The following ERLIN2 variants were observed in gnomAD, a reference collection of about 807,000 sequenced individuals.
ERLIN2 encodes erlin-2.
In ERLIN2, 22 loss-of-function variants were observed where a neutral mutation model predicts 41.5. The observed-to-expected ratio is 0.53, with a 90% CI of 0.38 to 0.76. The LOEUF is 0.76. Ranked by LOEUF, ERLIN2 falls within the 30% of genes least tolerant of loss-of-function variation. The pLI, the probability that ERLIN2 is intolerant of heterozygous loss-of-function variation, is 0.00. For synonymous variants in ERLIN2, 149 were observed against 150.9 expected, an observed-to-expected ratio of 0.99 and a Z score of 0.09; for missense variants, 247 against 414.3, an observed-to-expected ratio of 0.60 and a Z score of 3.51.
chr8:37,751,845 T>C, intron 10 of ERLIN2, 130 bp downstream of exon 10: 1 of 750,544 alleles, frequency 1.3e-6, no homozygotes, highest in Admixed American at 2.0e-5. Flanking sequence ...ACAGCAGCTT[T>C]TCTCCATGTG....
chr8:37,744,224 C>G, intron 4 of ERLIN2, 131 bp from the exon 5 acceptor site: 3 of 827,966 alleles, frequency 3.6e-6, no homozygotes, highest in Non-Finnish European at 2.2e-6. Context: ...GAGATCCAAG[C>G]TGCCTTCCAA....
intron 10 of ERLIN2, 146 bp from the exon 11 acceptor site, chr8:37,753,304 G>A: frequency 2.8e-6 from 2 of 709,042 alleles, no homozygotes; most frequent in Non-Finnish European, 5.1e-6. Flanking sequence ...AAAACACAGA[G>A]GAAAAAGCAG....
chr8:37,743,030 A>G (rs890101200), intron 4 of ERLIN2, among the ~76,000 whole-genome samples: 1 of 152,218 alleles, frequency 6.6e-6, no homozygotes, highest in African/African-American at 2.4e-5. Flanking sequence ...AAACTGGGAT[A>G]GAGTGACAAA....
chr8:37,750,549 C>G, intron 9 of ERLIN2, 63 bp downstream of exon 9: 1 of 1,409,248 alleles, frequency 7.1e-7, no homozygotes, highest in Non-Finnish European at 1.0e-6. Context: ...TGGGAAGATG[C>G]AAGGAGGCTA....
chr8:37,738,254 A>C (rs1198634270), intron 2 of ERLIN2, among the ~76,000 whole-genome samples: 1 of 152,242 alleles, frequency 6.6e-6, no homozygotes, highest in Non-Finnish European at 1.5e-5. Flanking sequence ...AGATGATGCC[A>C]TGGGTGGTGA....
In ERLIN2 at chr8:37,741,882, T is replaced by C. The variant is rs1461704658; in HGVS notation, c.236+64T>C. The C allele has an allele frequency of 7.6e-7, 1 of 1,323,400 alleles. No homozygotes were observed. The highest frequency in any genetic ancestry group is 1.1e-6 in the Non-Finnish European group (1 of 915,364). 82.0% of individuals were successfully genotyped at this position (1,323,400 alleles called of 1,614,324 possible). A position where few individuals can be genotyped will look rare whatever the true frequency, so the allele number is the denominator to read the frequency against. ...TCAGAGAAAAGGCTGTCTGGCTGGT[T>C]GCAGGAAGAGACAGTGAAAAGGGAG... On this transcript the variant is annotated intron_variant, in intron 4 of 11. Transcript: ENST00000519638. This position sits in a 1 kb window ranked among gnomAD's most constrained non-coding sequence, Gnocchi z 4.8.
At chr8:37,750,021 G>A (rs552016170) in intron 8 of ERLIN2, 169 bp downstream of exon 8, 20 of 709,002 alleles carry the variant, frequency 2.8e-5, no homozygotes, top group African/African-American at 2.4e-4. Flanking sequence ...GGCCACCACT[G>A]GGGCTCCCTA....
At chr8:37,745,506 C>T (rs1803011352) in intron 6 of ERLIN2, 2 of 1,532,526 alleles carry the variant, frequency 1.3e-6, no homozygotes, top group African/African-American at 1.4e-5. Context: ...CAGAAATTCT[C>T]TAATAGCCAA....
intron 8 of ERLIN2, 93 bp downstream of exon 8, chr8:37,749,945 CG>C (rs1431183531): frequency 1.8e-5 from 20 of 1,106,280 alleles, no homozygotes; most frequent in Middle Eastern, 2.3e-4. Flanking sequence ...CCAGGCTTCT[CG>C]GTTATCCCCT....
chr8:37,749,779 T>C lies in ERLIN2; in HGVS notation c.499-15T>C, dbSNP rs751064320. On this transcript the variant is annotated splice_polypyrimidine_tract_variant and intron_variant, in intron 7 of 11. Coordinates refer to ENST00000519638, the MANE Select transcript of ERLIN2 (RefSeq NM_007175.8). ...CCTCACTTTCCCATCAGCTGCTGTT[T>C]TAATCTCTCTCCAGGCTGTGCGGGT... The C allele has an allele frequency of 3.3e-5, 54 of 1,613,768 alleles. No individual in the cohort carries two copies. The highest frequency in any genetic ancestry group is 4.4e-5 in the Non-Finnish European group (52 of 1,179,796).
chr8:37,748,004 T>G, intron 6 of ERLIN2: 1 of 1,613,758 alleles, frequency 6.2e-7, no homozygotes. Flanking sequence ...ACTTTCGGCA[T>G]GGTTTCCAGG....
chr8:37,739,017 G>T (rs557372996), intron 2 of ERLIN2, among the ~76,000 whole-genome samples: 17 of 150,274 alleles, frequency 1.1e-4, no homozygotes, highest in South Asian at 1.1e-3. Context: ...TATTTTATTG[G>T]TTTTTTTTTT....
chr8:37,746,480 CATAAA>C (rs1803054676), intron 6 of ERLIN2: 1 of 981,470 alleles, frequency 1.0e-6, no homozygotes, highest in African/African-American at 1.8e-5. Flanking sequence ...AGCAGTGTGA[CATAAA>C]ATAATACCTA....
chr8:37,744,820 A>G (rs759379857), intron 6 of ERLIN2, 124 bp downstream of exon 6: 1 of 1,071,518 alleles, frequency 9.3e-7, no homozygotes, highest in African/African-American at 1.5e-5. Context: ...GAAATGTTAA[A>G]GAATCTTGTG....
chr8:37,745,234 T>C (rs1318063366), intron 6 of ERLIN2: 1 of 448,334 alleles, frequency 2.2e-6, no homozygotes, highest in African/African-American at 2.0e-5. Flanking sequence ...ACATGATTCA[T>C]AGTTAATTCT....
chr8:37,745,592 G>C, intron 6 of ERLIN2: 1 of 1,614,032 alleles, frequency 6.2e-7, no homozygotes, highest in Non-Finnish European at 8.5e-7. Flanking sequence ...TTTTTCCCAG[G>C]AATCTTCATA....
chr8:37,744,434 A>T lies in ERLIN2; in HGVS notation c.298+18A>T. ...GAACGCAGGTACGTCTTAACAGTTT[A>T]TTCCCACCACCAGCTCACTTTCCCC... On this transcript the variant is annotated intron_variant, in intron 5 of 11. Coordinates refer to ENST00000519638, the MANE Select transcript of ERLIN2 (RefSeq NM_007175.8). 6.2e-7 allele frequency: 1 copy of T among 1,613,332 alleles called. No homozygotes were observed. Among genetic ancestry groups the T allele is most frequent in the Non-Finnish European group, 8.5e-7 (1 of 1,179,292 alleles).
At position 37,748,068 on chromosome 8, in the gene ERLIN2, G is replaced by A. The variant is rs947486761; in HGVS notation, c.425-1491G>A. The A allele has an allele frequency of 1.5e-5, 21 of 1,373,550 alleles. No individual in the cohort carries two copies. In the South Asian group the frequency reaches 2.2e-4, roughly 14 times the overall value. The allele number at this position is 1,373,550 out of a possible 1,614,324, so 85.1% of individuals were successfully genotyped here. A position where few individuals can be genotyped will look rare whatever the true frequency, so the allele number is the denominator to read the frequency against. On this transcript the variant is annotated intron_variant, in intron 6 of 11. Transcript: ENST00000519638. Reference sequence around the variant, plus strand: ...GAGGGTCGCGCCGAAATGACGTCACGAGCGCGCCTTGCGCCTTTTCCCTGC... The same window carrying A: ...GAGGGTCGCGCCGAAATGACGTCACAAGCGCGCCTTGCGCCTTTTCCCTGC...
At chr8:37,746,947 A>C (rs1288966062) in intron 6 of ERLIN2, among the ~76,000 whole-genome samples, 1 of 152,204 alleles carries the variant, frequency 6.6e-6, no homozygotes, top group Non-Finnish European at 1.5e-5. Context: ...GCTTTTCTCT[A>C]TGACGTACCA....
Sources: gnomAD v4.1 joint callset for allele counts (sites outside exome capture counted in the v4.1 genomes callset) on GRCh38, gnomAD v4.1.1 for gene constraint, Gnocchi (gnomAD v3.1) non-coding constraint, MANE v1.5 for transcripts, NCBI Gene and HGNC (gene_info 2026-07-23, HGNC 2026-07-21) for gene names.